LILRB1: variants seen among roughly 807,000 people sequenced by gnomAD.
LILRB1 encodes leukocyte immunoglobulin like receptor B1, also known as leukocyte immunoglobulin-like receptor subfamily B member 1.
In LILRB1, 59 loss-of-function variants were observed where a neutral mutation model predicts 74.6. The ratio of observed to expected loss-of-function variants is 0.79; its 90% CI spans 0.64 to 0.98. LILRB1 has a LOEUF of 0.98. Ranked by LOEUF, LILRB1 falls within the 50% of genes least tolerant of loss-of-function variation. The probability of loss-of-function intolerance (pLI) is 0.00; values close to 1 mark genes in which losing one functional copy is unlikely to be tolerated. For synonymous variants in LILRB1, 328 were observed against 333.9 expected, an observed-to-expected ratio of 0.98 and a Z score of 0.19; for missense variants, 804 against 822.6, an observed-to-expected ratio of 0.98 and a Z score of 0.28.
intron 13 of LILRB1, chr19:54,635,902 C>T (rs779877185): frequency 4.4e-5 from 28 of 633,006 alleles, no homozygotes; most frequent in Admixed American, 1.3e-4. Flanking sequence ...CCCGGTCCCC[C>T]AGGCTCCCCT....
chr19:54,634,117 A>G (rs2064173149), intron 9 of LILRB1, 96 bp downstream of exon 9: 3 of 1,541,060 alleles, frequency 1.9e-6, no homozygotes, highest in Non-Finnish European at 2.6e-6. Context: ...GTGGTGATAT[A>G]GACAGGCTCC....
chr19:54,635,358 A>C, intron 12 of LILRB1, 62 bp downstream of exon 12: 2 of 1,600,996 alleles, frequency 1.2e-6, no homozygotes, highest in Non-Finnish European at 1.7e-6. Context: ...TTTCCGTAGC[A>C]ATGGGGAAAG....
chr19:54,621,447 G>T (rs944030986), intron 1 of LILRB1, among the ~76,000 whole-genome samples: 1 of 151,778 alleles, frequency 6.6e-6, no homozygotes, highest in African/African-American at 2.4e-5. Flanking sequence ...ATTTTTTAAT[G>T]TGTTTGTTGG....
Position 54,635,125 on chromosome 19 carries a change from A to G in LILRB1, c.1508A>G (p.Gln503Arg). The G allele has an allele frequency of 4.4e-6, 7 of 1,586,334 alleles. No homozygotes were observed. The highest frequency in any genetic ancestry group is 6.0e-6 in the Non-Finnish European group (7 of 1,160,758). ...CCAGCCCAGAGAAAGGCTGATTTCC[A>G]ACATCCTGCAGGGGCTGTGGGGCCA... ...WTSTQRKADF[Q>R]HPAGAVGPEP... The change falls in exon 11 of 15, where the codon CAA (glutamine) becomes CGA (arginine). Residue 503 changes from glutamine (Q) to arginine (R), a missense_variant. Physicochemically the swap from Gln to Arg is conservative, Grantham distance 43. Transcript: ENST00000324602.
chr19:54,634,198 C>T, intron 9 of LILRB1, 177 bp downstream of exon 9: 1 of 1,500,532 alleles, frequency 6.7e-7, no homozygotes, highest in Non-Finnish European at 8.9e-7. Flanking sequence ...TTCCTTTCAG[C>T]TCTGACTCCC....
At chr19:54,620,835 G>A (rs1203617221) in intron 1 of LILRB1, among the ~76,000 whole-genome samples, 2 of 152,148 alleles carry the variant, frequency 1.3e-5, no homozygotes, top group Admixed American at 6.5e-5. Context: ...GAATAGTGCT[G>A]CAACAAACAT....
chr19:54,628,397 G>C (rs1392194977), upstream of LILRB1, among the ~76,000 whole-genome samples: 1 of 152,156 alleles, frequency 6.6e-6, no homozygotes, highest in African/African-American at 2.4e-5. Flanking sequence ...AGATCCCACA[G>C]ATTGAATGGT....
In LILRB1 at chr19:54,622,065, A is replaced by G. The variant is rs543566359; in HGVS notation, c.-166+4716A>G. ...TGTCTGTGTATATTTTTGTACTAGT[A>G]AATGCTGTCTTAGTTACTATGGCCT... On this transcript the variant is annotated intron_variant, in intron 1 of 15. Transcript: ENST00000396331. 1.3e-3 allele frequency among the ~76,000 whole-genome samples: 199 copies of G among 152,274 alleles called. 4 individuals carry two copies. In the South Asian group the frequency reaches 0.022, roughly 17 times the overall value.
rs564884574 is a variant in LILRB1 at position 54,635,836 on chromosome 19, G to A, written c.1653+227G>A. ...CCTGCTCCTCATCCTCTGTTTGGCC[G>A]TCTGGTTGTTAGAGCTCTCCCCAGG... On this transcript the variant is annotated intron_variant, in intron 13 of 14. Coordinates refer to ENST00000324602, the MANE Select transcript of LILRB1 (RefSeq NM_001081637.3). 165 of 701,684 alleles carry A rather than the reference G, an allele frequency of 2.4e-4. 1 individual carries two copies. Among genetic ancestry groups the A allele is most frequent in the Middle Eastern group, 7.4e-4 (2 of 2,686 alleles). 43.5% of individuals were successfully genotyped at this position (701,684 alleles called of 1,614,324 possible). A position where few individuals can be genotyped will look rare whatever the true frequency, so the allele number is the denominator to read the frequency against.
At chr19:54,626,506 G>C (rs1351087700), upstream of LILRB1, among the ~76,000 whole-genome samples, 1 of 151,994 alleles carries the variant, frequency 6.6e-6, no homozygotes, top group Non-Finnish European at 1.5e-5. Flanking sequence ...CATTAATTAT[G>C]TTTTCTACTT....
chr19:54,622,885 T>C (rs909969521), intron 1 of LILRB1, among the ~76,000 whole-genome samples: 2 of 152,216 alleles, frequency 1.3e-5, no homozygotes, highest in Non-Finnish European at 2.9e-5. Flanking sequence ...GAAGGGATAT[T>C]GGACTTTCTC....
Position 54,637,112 on chromosome 19 carries a change from G to T in LILRB1, c.*234G>T, listed in dbSNP as rs956535935. 1.7e-5 allele frequency: 9 copies of T among 542,774 alleles called. No individual in the cohort carries two copies. Among genetic ancestry groups the T allele is most frequent in the Non-Finnish European group, 2.9e-5 (9 of 308,372 alleles). 33.6% of individuals were successfully genotyped at this position (542,774 alleles called of 1,614,324 possible). On this transcript the variant is annotated 3_prime_UTR_variant, in exon 15 of 15. Coordinates refer to ENST00000324602, the MANE Select transcript of LILRB1 (RefSeq NM_001081637.3). ...AGCTGAGAAAACTAAGTCAGAAAGT[G>T]CATTAAACTGAATCACAATGTAAAT...
At chr19:54,619,953 C>CGTT (rs1412785121) in intron 1 of LILRB1, among the ~76,000 whole-genome samples, 5 of 30,792 alleles carry the variant, frequency 1.6e-4, no homozygotes, top group Non-Finnish European at 3.0e-4. Flanking sequence ...TGTTAAACCT[C>CGTT]GTTTTTTTTT....
Position 54,633,296 on chromosome 19 carries a change from C to A in LILRB1, c.1239C>A (p.Asp413Glu), listed in dbSNP as rs200928068. Residue 413 changes from aspartate to glutamate, a missense_variant, in exon 7 of 15, where the codon GAC (aspartate) becomes GAA (glutamate). Asp to Glu is a conservative substitution (Grantham distance 45, BLOSUM62 2). Transcript: ENST00000324602. ...SKPYLLTHPS[D>E]PLELVVSGPS... is the part of the protein sequence containing the mutation. ...CCTACCTGCTGACTCACCCCAGTGA[C>A]CCCCTGGAGCTCGTGGTCTCAGGTG... The A allele has an allele frequency of 6.8e-6, 11 of 1,613,982 alleles. No individual in the cohort carries two copies. Among genetic ancestry groups the A allele is most frequent in the Non-Finnish European group, 9.3e-6 (11 of 1,179,890 alleles).
intron 1 of LILRB1, among the ~76,000 whole-genome samples, chr19:54,618,778 C>T (rs990272): frequency 0.54 from 82,849 of 152,086 alleles, 23,485 homozygotes; most frequent in South Asian, 0.64. Context: ...ACCATAAGTT[C>T]CCTTACTTAG....
At chr19:54,631,376 G>A (rs1163951541) in intron 3 of LILRB1, 70 bp downstream of exon 3, 18 of 1,613,314 alleles carry the variant, frequency 1.1e-5, no homozygotes, top group Admixed American at 1.7e-5. Flanking sequence ...CCGTGCCGCT[G>A]GGGATGGGGA....
rs764502558 is a variant in LILRB1 at position 54,633,626 on chromosome 19, T to G, written c.1262-12T>G. ...CCCCAGCTCCTCAGCCTCCTCTCAT[T>G]CTTTTACCCAGGACCGTCTGGGGGC... On this transcript the variant is annotated splice_polypyrimidine_tract_variant and intron_variant, in intron 7 of 14. Coordinates refer to ENST00000324602, the MANE Select transcript of LILRB1 (RefSeq NM_001081637.3). 5.5e-5 allele frequency: 88 copies of G among 1,611,648 alleles called. No individual in the cohort carries two copies. The highest frequency in any genetic ancestry group is 7.4e-5 in the Non-Finnish European group (87 of 1,179,064).
upstream of LILRB1, among the ~76,000 whole-genome samples, chr19:54,629,290 C>T (rs915059410): frequency 5.3e-5 from 8 of 152,058 alleles, no homozygotes; most frequent in African/African-American, 1.7e-4. Context: ...AAACGAATTG[C>T]CTGTGTATCC....
At position 54,636,985 on chromosome 19, in the gene LILRB1, G is replaced by GACTC; in HGVS notation, c.*108_*111dup. The GACTC allele has an allele frequency of 6.9e-7, 1 of 1,441,370 alleles. No individual in the cohort carries two copies. Among genetic ancestry groups the GACTC allele is most frequent in the Non-Finnish European group, 9.5e-7 (1 of 1,055,300 alleles). The allele number at this position is 1,441,370 out of a possible 1,614,324, so 89.3% of individuals were successfully genotyped here. ...CACCCAGCCTGGATCTACCCCAGGA[G>GACTC]ACTCTGGGAACTTTTAGGGGTCACT... On this transcript the variant is annotated 3_prime_UTR_variant, in exon 15 of 15. Coordinates refer to ENST00000324602, the MANE Select transcript of LILRB1 (RefSeq NM_001081637.3).
Sources: gnomAD v4.1 joint callset for allele counts (sites outside exome capture counted in the v4.1 genomes callset) on GRCh38, gnomAD v4.1.1 for gene constraint, MANE v1.5 for transcripts, NCBI Gene and HGNC (gene_info 2026-07-23, HGNC 2026-07-21) for gene names.